ABTB3: variants seen among roughly 807,000 people sequenced by gnomAD.
ABTB3 encodes ankyrin repeat and BTB domain containing 3.
chr12:107,341,903 C>T, the ABTB3 span, among the ~76,000 whole-genome samples: 1 of 152,214 alleles, frequency 6.6e-6, no homozygotes, highest in African/African-American at 2.4e-5. Context: ...ATGTGACATG[C>T]CTGCTCCCCA....
chr12:107,489,522 A>AAAAC, the ABTB3 span, among the ~76,000 whole-genome samples: 2,153 of 152,130 alleles, frequency 0.014, 36 homozygotes, highest in East Asian at 0.05. Flanking sequence ...CCATCTCACA[A>AAAAC]AAACAAACAA....
chr12:107,483,762 CT>C, the ABTB3 span, among the ~76,000 whole-genome samples: 1 of 152,196 alleles, frequency 6.6e-6, no homozygotes, highest in African/African-American at 2.4e-5. Context: ...TCATAGCTCA[CT>C]GCAGCCTCAA....
the ABTB3 span, among the ~76,000 whole-genome samples, chr12:107,656,589 G>A: frequency 1.3e-5 from 2 of 152,260 alleles, no homozygotes; most frequent in Admixed American, 6.5e-5. Flanking sequence ...TCCAATCCCA[G>A]TTCTGTTAGT....
At chr12:107,454,719 A>G in the ABTB3 span, among the ~76,000 whole-genome samples, 1 of 152,172 alleles carries the variant, frequency 6.6e-6, no homozygotes, top group African/African-American at 2.4e-5. Flanking sequence ...TCTCTGCTCT[A>G]AACTGCAGAC....
chr12:107,482,925 T>C, the ABTB3 span, among the ~76,000 whole-genome samples: 10 of 28,132 alleles, frequency 3.6e-4, no homozygotes, highest in Non-Finnish European at 6.2e-4. Context: ...TCTTTCTTTC[T>C]TTCTTTCTTT....
the ABTB3 span, among the ~76,000 whole-genome samples, chr12:107,531,757 G>A: frequency 6.6e-6 from 1 of 152,078 alleles, no homozygotes; most frequent in Non-Finnish European, 1.5e-5. Context: ...GCAAAACCAA[G>A]CTGCTGCGGC....
chr12:107,393,273 C>A, the ABTB3 span, among the ~76,000 whole-genome samples: 2 of 133,682 alleles, frequency 1.5e-5, no homozygotes, highest in African/African-American at 5.6e-5. Flanking sequence ...TCTGTGCTTT[C>A]TAGTAGGAAG....
the ABTB3 span, among the ~76,000 whole-genome samples, chr12:107,365,352 A>G: frequency 6.6e-6 from 1 of 152,228 alleles, no homozygotes; most frequent in Non-Finnish European, 1.5e-5. Context: ...GAATAATAAT[A>G]GTTATTGTTC....
chr12:107,554,974 G>T, the ABTB3 span, among the ~76,000 whole-genome samples: 1 of 152,180 alleles, frequency 6.6e-6, no homozygotes, highest in Non-Finnish European at 1.5e-5. Context: ...AGTGAGCCTT[G>T]CAGGGCCTCG....
At chr12:107,635,532 G>C in the ABTB3 span, 1 of 597,662 alleles carries the variant, frequency 1.7e-6, no homozygotes, top group Admixed American at 3.2e-5. Context: ...GGGGAGATCA[G>C]AATTTCTCCT....
At chr12:107,319,775 G>A in the ABTB3 span, 1 of 1,467,708 alleles carries the variant, frequency 6.8e-7, no homozygotes, top group Non-Finnish European at 9.0e-7. Context: ...CTCGGGCCCT[G>A]GTGCGGCCCC....
At chr12:107,500,682 A>G in the ABTB3 span, among the ~76,000 whole-genome samples, 1 of 152,076 alleles carries the variant, frequency 6.6e-6, no homozygotes, top group Non-Finnish European at 1.5e-5. Context: ...GCTGCACATG[A>G]GAATCCACCT....
At chr12:107,532,700 G>T in the ABTB3 span, among the ~76,000 whole-genome samples, 1 of 152,024 alleles carries the variant, frequency 6.6e-6, no homozygotes, top group Non-Finnish European at 1.5e-5. Flanking sequence ...AACCCAAAAA[G>T]GTCCCCTCTG....
At chr12:107,515,381 A>C in the ABTB3 span, among the ~76,000 whole-genome samples, 1 of 152,236 alleles carries the variant, frequency 6.6e-6, no homozygotes. Flanking sequence ...CCAGGTCTCG[A>C]GTCTCCTTTG....
chr12:107,555,187 A>C, the ABTB3 span, among the ~76,000 whole-genome samples: 1 of 152,218 alleles, frequency 6.6e-6, no homozygotes, highest in African/African-American at 2.4e-5. Flanking sequence ...GGAATGGCAA[A>C]TGAGTGACAA....
chr12:107,361,396 A>G, the ABTB3 span, among the ~76,000 whole-genome samples: 1 of 152,206 alleles, frequency 6.6e-6, no homozygotes, highest in Non-Finnish European at 1.5e-5. Flanking sequence ...TGACAGCATC[A>G]TTTAAAATGG....
At chr12:107,382,540 A>G in the ABTB3 span, among the ~76,000 whole-genome samples, 14 of 152,148 alleles carry the variant, frequency 9.2e-5, no homozygotes, top group African/African-American at 3.4e-4. Flanking sequence ...CTTGCTTATC[A>G]GCTTAAGGAG....
At chr12:107,635,232 A>G in the ABTB3 span, 1 of 1,528,228 alleles carries the variant, frequency 6.5e-7, no homozygotes, top group Non-Finnish European at 9.0e-7. Context: ...GCACAGCTTG[A>G]CTGAGGCTGG....
At chr12:107,460,064 A>G in the ABTB3 span, among the ~76,000 whole-genome samples, 3 of 152,186 alleles carry the variant, frequency 2.0e-5, no homozygotes, top group African/African-American at 4.8e-5. Context: ...GGGAATGGCT[A>G]TTTTCTCAAG....
Sources: allele counts gnomAD v4.1 joint callset (sites outside exome capture counted in the v4.1 genomes callset), GRCh38; gene constraint gnomAD v4.1.1; transcripts MANE v1.5; gene names NCBI Gene and HGNC (gene_info 2026-07-23, HGNC 2026-07-21).